PDE3A: variants seen among roughly 807,000 people sequenced by gnomAD.
The protein encoded by PDE3A is phosphodiesterase 3A.
A neutral mutation model predicts 98.3 loss-of-function variants in PDE3A; 43 were observed. The ratio of observed to expected loss-of-function variants is 0.44; its 90% CI spans 0.34 to 0.56. The LOEUF (loss-of-function observed/expected upper bound fraction) is 0.56, where lower values mean the gene tolerates loss of function less well. Among genes scored for constraint, PDE3A ranks in the 20% least tolerant of loss-of-function variants. The pLI, the probability that PDE3A is intolerant of heterozygous loss-of-function variation, is 0.01. For missense variants in PDE3A, 1,427 were observed against 1,440.7 expected (o/e 0.99, Z 0.15); for synonymous variants, 663 against 567.9 (o/e 1.17, Z -2.38).
chr12:20,537,865 A>C lies in PDE3A; in HGVS notation c.961-18795A>C, dbSNP rs959355732. Among the ~76,000 whole-genome samples the C allele has an allele frequency of 4.0e-5, 6 of 151,812 alleles. No homozygotes were observed. In the South Asian group the frequency reaches 6.2e-4, roughly 16 times the overall value. On this transcript the variant is annotated intron_variant, in intron 1 of 15. Coordinates refer to ENST00000359062, the MANE Select transcript of PDE3A (RefSeq NM_000921.5). ...CTTTGTTCTTAAAAAAAAAAAAAAAAAACTTGTGAGAGTCTTTTTAAAATT... is the reference window on the plus strand; with the variant it reads ...CTTTGTTCTTAAAAAAAAAAAAAAACAACTTGTGAGAGTCTTTTTAAAATT...
At chr12:20,593,183 T>C (rs1034306939) in intron 2 of PDE3A, among the ~76,000 whole-genome samples, 11 of 152,078 alleles carry the variant, frequency 7.2e-5, no homozygotes, top group African/African-American at 2.7e-4. Flanking sequence ...CAATACTAAA[T>C]AAAAGAAATG....
intron 1 of PDE3A, among the ~76,000 whole-genome samples, chr12:20,489,760 C>G (rs2121040733): frequency 6.6e-6 from 1 of 152,246 alleles, no homozygotes; most frequent in East Asian, 1.9e-4. Flanking sequence ...ATGTTGATGA[C>G]AGATGGGTCT....
chr12:20,588,394 T>A (rs915529283), intron 2 of PDE3A, among the ~76,000 whole-genome samples: 1 of 152,186 alleles, frequency 6.6e-6, no homozygotes, highest in Non-Finnish European at 1.5e-5. Context: ...AATGCCATGT[T>A]TCACTGTCAG....
At chr12:20,679,982 A>C (rs1047164492) in intron 15 of PDE3A, 48 bp from the exon 16 acceptor site, 2 of 1,428,650 alleles carry the variant, frequency 1.4e-6, no homozygotes, top group African/African-American at 2.9e-5. Flanking sequence ...TGTGCTCAGC[A>C]CACAACTAAG....
chr12:20,475,911 G>A (rs1181624894), intron 1 of PDE3A, among the ~76,000 whole-genome samples: 1 of 152,138 alleles, frequency 6.6e-6, no homozygotes, highest in East Asian at 1.9e-4. Context: ...AGCTAGATAA[G>A]CACCCAAGTA....
intron 1 of PDE3A, among the ~76,000 whole-genome samples, chr12:20,508,421 T>C (rs1173701293): frequency 6.6e-6 from 1 of 151,966 alleles, no homozygotes; most frequent in Non-Finnish European, 1.5e-5. Context: ...GTTTGTTTTT[T>C]TTTTTTAGTT....
intron 1 of PDE3A, among the ~76,000 whole-genome samples, chr12:20,506,133 T>G (rs1258652627): frequency 6.6e-6 from 1 of 151,822 alleles, no homozygotes; most frequent in Non-Finnish European, 1.5e-5. Flanking sequence ...TGTGTGTATG[T>G]GTGTGTAGCA....
At chr12:20,640,786 G>A (rs1036483624) in intron 10 of PDE3A, among the ~76,000 whole-genome samples, 2 of 152,038 alleles carry the variant, frequency 1.3e-5, no homozygotes, top group Non-Finnish European at 2.9e-5. Flanking sequence ...TCGAAACAGG[G>A]AAATTGTGGA....
At chr12:20,634,199 A>T (rs1043612633) in intron 7 of PDE3A, among the ~76,000 whole-genome samples, 2 of 152,186 alleles carry the variant, frequency 1.3e-5, no homozygotes, top group South Asian at 2.1e-4. Flanking sequence ...ATATTATTTT[A>T]TCTTGCTACT....
Position 20,552,965 on chromosome 12 carries a change from A to C in PDE3A, c.961-3695A>C. 1 of 1,577,640 alleles carries C rather than the reference A, an allele frequency of 6.3e-7. No individual in the cohort carries two copies. The highest frequency in any genetic ancestry group is 1.4e-5 in the African/African-American group (1 of 73,772). The stretch of plus-strand genomic sequence containing the variant: ...GCCATGCAGGTGAACCAGCCTCTGC[A>C]GACCGTCCTCAACCAGCTCTTCCCC... On this transcript the variant is annotated intron_variant, in intron 1 of 15. Transcript: ENST00000359062. The surrounding 1 kb of genome is among the most constrained non-coding windows in gnomAD (Gnocchi z 5.1).
At chr12:20,387,408 A>G (rs1303333435) in intron 1 of PDE3A, among the ~76,000 whole-genome samples, 1 of 152,078 alleles carries the variant, frequency 6.6e-6, no homozygotes, top group Non-Finnish European at 1.5e-5. Context: ...ATCTATGAGC[A>G]TAGAATGTTT....
intron 1 of PDE3A, among the ~76,000 whole-genome samples, chr12:20,408,258 A>G (rs1300020850): frequency 6.6e-6 from 1 of 152,184 alleles, no homozygotes; most frequent in Non-Finnish European, 1.5e-5. Flanking sequence ...TAGAAAAATC[A>G]TGTATTATAA....
At chr12:20,672,140 G>A (rs1945499108) in intron 15 of PDE3A, among the ~76,000 whole-genome samples, 1 of 149,476 alleles carries the variant, frequency 6.7e-6, no homozygotes, top group South Asian at 2.1e-4. Flanking sequence ...CAACTTACAA[G>A]GGATGTGAAG....
At position 20,420,156 on chromosome 12, in the gene PDE3A, T is replaced by A. The variant is rs146313908; in HGVS notation, c.960+49912T>A. 1.6e-4 allele frequency among the ~76,000 whole-genome samples: 24 copies of A among 152,300 alleles called. No individual in the cohort carries two copies. In the East Asian group the frequency reaches 4.4e-3, roughly 28 times the overall value. ...AAATATTTAGATCTTGGTGCAAGTATAGAAAGAACACTATTCTACCTATTT... is the reference window on the plus strand; with the variant it reads ...AAATATTTAGATCTTGGTGCAAGTAAAGAAAGAACACTATTCTACCTATTT... On this transcript the variant is annotated intron_variant, in intron 1 of 15. Coordinates refer to ENST00000359062, the MANE Select transcript of PDE3A (RefSeq NM_000921.5).
chr12:20,396,949 A>G (rs1261565040), intron 1 of PDE3A, among the ~76,000 whole-genome samples: 1 of 152,052 alleles, frequency 6.6e-6, no homozygotes, highest in African/African-American at 2.4e-5. Context: ...TCTGCCATGT[A>G]TTAACTCTGT....
intron 2 of PDE3A, among the ~76,000 whole-genome samples, chr12:20,597,639 T>G (rs1252101590): frequency 6.6e-6 from 1 of 152,192 alleles, no homozygotes; most frequent in African/African-American, 2.4e-5. Flanking sequence ...GAGAAACAAC[T>G]GTTTTCACTT....
At chr12:20,567,016 C>A (rs966989081) in intron 2 of PDE3A, among the ~76,000 whole-genome samples, 2 of 151,884 alleles carry the variant, frequency 1.3e-5, no homozygotes, top group African/African-American at 4.8e-5. Flanking sequence ...CTCCAATTAA[C>A]TATAAGTTTA....
intron 1 of PDE3A, 112 bp downstream of exon 1, chr12:20,370,356 A>G: frequency 2.5e-6 from 2 of 812,430 alleles, no homozygotes; most frequent in Non-Finnish European, 1.7e-6. Flanking sequence ...AGCCTAGAAA[A>G]CTGGTCTAAC....
rs185511354 is a variant in PDE3A, at chr12:20,480,984, A to G, written c.961-75676A>G. 8.5e-5 allele frequency among the ~76,000 whole-genome samples: 13 copies of G among 152,352 alleles called. No individual in the cohort carries two copies. The East Asian group carries it at 1.7e-3, about 20-fold the overall frequency. On this transcript the variant is annotated intron_variant, in intron 1 of 15. Coordinates refer to ENST00000359062, the MANE Select transcript of PDE3A (RefSeq NM_000921.5). ...CTGTTAAAAATACCAACTGATGTTC[A>G]TCAATTGTGGTGGTTACCTGGCCAG... is the stretch of plus-strand genomic sequence containing the variant.
Sources: gnomAD v4.1 joint callset for allele counts (sites outside exome capture counted in the v4.1 genomes callset) on GRCh38, gnomAD v4.1.1 for gene constraint, Gnocchi (gnomAD v3.1) non-coding constraint, MANE v1.5 for transcripts, NCBI Gene and HGNC (gene_info 2026-07-23, HGNC 2026-07-21) for gene names.